The following RPL11 variants were observed in gnomAD, a reference collection of about 807,000 sequenced individuals.
The protein encoded by RPL11 is ribosomal protein L11.
Under a neutral mutation model 24.1 loss-of-function variants are expected in RPL11, and 3 were observed. The observed-to-expected ratio is 0.12, with a 90% CI of 0.06 to 0.32. RPL11 has a LOEUF of 0.32. RPL11 is among the 10% of genes least tolerant of loss of function. The probability of loss-of-function intolerance (pLI) is 1.00; values close to 1 mark genes in which losing one functional copy is unlikely to be tolerated. For synonymous variants in RPL11, 96 were observed against 75.7 expected (o/e 1.27, Z -1.39); for missense variants, 146 against 225.7 (o/e 0.65, Z 2.26).
chr1:23,692,883 A>G, intron 2 of RPL11, 124 bp downstream of exon 2: 2 of 1,160,620 alleles, frequency 1.7e-6, no homozygotes, highest in Non-Finnish European at 2.5e-6. Flanking sequence ...TAAATTCATG[A>G]GCCGGCCAAG....
At chr1:23,692,250 G>C (rs1017607263) in intron 1 of RPL11, 1 of 419,004 alleles carries the variant, frequency 2.4e-6, no homozygotes, top group African/African-American at 2.0e-5. Context: ...GCATAACCAC[G>C]TGTTTCCTGT....
Position 23,692,572 on chromosome 1 carries a change from C to T in RPL11, c.7-37C>T, listed in dbSNP as rs764888955. 3 of 1,613,772 alleles carry T rather than the reference C, an allele frequency of 1.9e-6. No homozygotes were observed. In the South Asian group the frequency reaches 3.3e-5, roughly 18 times the overall value. ...AAGTAGTAAAACTCAGGGCCCTCAG[C>T]TGTGAGTGTATTGACTGCTGCTCTT... is the stretch of plus-strand genomic sequence containing the variant. On this transcript the variant is annotated intron_variant, in intron 1 of 5. Transcript: ENST00000643754.
At position 23,695,830 on chromosome 1, in the gene RPL11, C is replaced by CCTT; in HGVS notation, c.429_430insCTT (p.Asp143_Lys144insLeu). The CCTT allele has an allele frequency of 6.3e-7, 1 of 1,599,992 alleles. No individual in the cohort carries two copies. Among genetic ancestry groups the CCTT allele is most frequent in the Non-Finnish European group, 8.5e-7 (1 of 1,173,738 alleles). ...GTAGGCCAGGTTTCAGCATCGCAGA[C>CCTT]AAGAAGCGCAGGACAGGCTGCATTG... On this transcript the variant is annotated inframe_insertion, in exon 5 of 6. Coordinates refer to ENST00000643754, the MANE Select transcript of RPL11 (RefSeq NM_000975.5).
rs1644533944 is a variant in RPL11 at position 23,696,563 on chromosome 1, A to C, written c.*190A>C. 1 of 657,408 alleles carries C rather than the reference A, an allele frequency of 1.5e-6. No individual in the cohort carries two copies. The highest frequency in any genetic ancestry group is 1.7e-5 in the South Asian group (1 of 57,324). The allele number at this position is 657,408 out of a possible 1,614,324, so 40.7% of individuals were successfully genotyped here. On this transcript the variant is annotated 3_prime_UTR_variant, in exon 6 of 6. Transcript: ENST00000643754. Reference sequence around the variant, plus strand: ...ATGCCAGTATTTCCTGGCAGATCCAAGTCCAAGCTTCATAGCATTCATTGC... The same window carrying C: ...ATGCCAGTATTTCCTGGCAGATCCACGTCCAAGCTTCATAGCATTCATTGC...
Position 23,693,808 on chromosome 1 carries a change from T to A in RPL11, c.159T>A (p.Ala53=). The A allele has an allele frequency of 6.2e-7, 1 of 1,613,492 alleles. No individual in the cohort carries two copies. Among genetic ancestry groups the A allele is most frequent in the East Asian group, 2.2e-5 (1 of 44,868 alleles). Residue 53 remains alanine, a splice_region_variant and synonymous_variant, in exon 3 of 6, where the codon GCT becomes GCA. Transcript: ENST00000643754. ...CTCCTTGTTACCCACTTCCTGCAGC[T>A]AGATACACTGTCAGATCCTTTGGCA... The part of the protein sequence containing the change: ...LTGQTPVFSK[A]RYTVRSFGIR...
rs539976734 is a variant in RPL11 at position 23,691,923 on chromosome 1, A to G, written c.6+94A>G. Reference sequence around the variant, plus strand: ...GGCTACTTCGCCCGCAGCCCGAGGAATATGGAGCCCGCAATGCCTGCTGGC... The same window carrying G: ...GGCTACTTCGCCCGCAGCCCGAGGAGTATGGAGCCCGCAATGCCTGCTGGC... On this transcript the variant is annotated intron_variant, in intron 1 of 5. Transcript: ENST00000643754. 1.9e-5 allele frequency: 29 copies of G among 1,546,142 alleles called. No homozygotes were observed. The African/African-American group carries it at 3.3e-4, about 17-fold the overall frequency.
rs150565485 is a variant in RPL11 at position 23,693,936 on chromosome 1, G to A, written c.264+23G>A. On this transcript the variant is annotated intron_variant, in intron 3 of 5. Transcript: ENST00000643754. ...AAGGTGAGCCTAATCCCCTAATGGA[G>A]TGATATTGATCAGCACTCCTTTAGT... 3.9e-6 allele frequency: 6 copies of A among 1,545,464 alleles called. No homozygotes were observed. In the African/African-American group the frequency reaches 6.8e-5, roughly 18 times the overall value.
At chr1:23,694,917 C>A in intron 4 of RPL11, 126 bp downstream of exon 4, 1 of 1,462,676 alleles carries the variant, frequency 6.8e-7, no homozygotes, top group Non-Finnish European at 9.5e-7. Context: ...TTGTGTTCTC[C>A]TCCCCCTTGG....
chr1:23,692,530 A>G lies in RPL11; in HGVS notation c.7-79A>G, dbSNP rs1015214724. 3.0e-5 allele frequency: 47 copies of G among 1,574,000 alleles called. 2 individuals carry two copies. Among genetic ancestry groups the G allele is most frequent in the Middle Eastern group, 3.3e-4 (2 of 5,980 alleles). On this transcript the variant is annotated intron_variant, in intron 1 of 5. Transcript: ENST00000643754. ...ACGATTTGGGATGAGCAGAAATAAAAATGCTGTGCAGATAGAAAGTAGTAA... is the reference window on the plus strand; with the variant it reads ...ACGATTTGGGATGAGCAGAAATAAAGATGCTGTGCAGATAGAAAGTAGTAA...
chr1:23,693,883 G>C lies in RPL11; in HGVS notation c.234G>C (p.Lys78Asn). Residue 78 changes from lysine to asparagine, a missense_variant, in exon 3 of 6, where the codon AAG (lysine) becomes AAC (asparagine). Physicochemically the swap from Lys to Asn is moderately conservative, Grantham distance 94. Transcript: ENST00000643754. ...IAVHCTVRGA[K>N]AEEILEKGLK... ...TCCACTGCACAGTTCGAGGGGCCAAGGCAGAAGAAATCTTGGAGAAGGGTC... is the reference window on the plus strand; with the variant it reads ...TCCACTGCACAGTTCGAGGGGCCAACGCAGAAGAAATCTTGGAGAAGGGTC... 1 of 1,614,176 alleles carries C rather than the reference G, an allele frequency of 6.2e-7. No individual in the cohort carries two copies. Among genetic ancestry groups the C allele is most frequent in the Non-Finnish European group, 8.5e-7 (1 of 1,180,014 alleles).
Position 23,696,749 on chromosome 1 carries a change from T to G in RPL11, c.*376T>G. ...CCTGCTATTCAGTGATTCTGTTCTGTACTAGAAATTTTATCAGCATTGATG... is the reference window on the plus strand; with the variant it reads ...CCTGCTATTCAGTGATTCTGTTCTGGACTAGAAATTTTATCAGCATTGATG... On this transcript the variant is annotated 3_prime_UTR_variant, in exon 6 of 6. Coordinates refer to ENST00000643754, the MANE Select transcript of RPL11 (RefSeq NM_000975.5). The G allele has an allele frequency of 3.0e-6, 1 of 338,902 alleles. No homozygotes were observed. The allele number at this position is 338,902 out of a possible 1,614,324, so 21.0% of individuals were successfully genotyped here.
intron 4 of RPL11, chr1:23,695,063 TC>T: frequency 2.1e-6 from 1 of 484,182 alleles, no homozygotes; most frequent in Non-Finnish European, 3.8e-6. Context: ...AGGAAACTGT[TC>T]CCTCCAGCCA....
chr1:23,694,601 TGGG>T lies in RPL11; in HGVS notation c.265-56_265-54del. On this transcript the variant is annotated intron_variant, in intron 3 of 5. Transcript: ENST00000643754. ...GCAGGCTGAGCTATTAATAGTTACT[TGGG>T]GGTGGGAGGGAGTTGAAGATGACAA... 1.9e-6 allele frequency: 3 copies of T among 1,610,362 alleles called. No homozygotes were observed. The East Asian group carries it at 6.7e-5, about 36-fold the overall frequency.
Position 23,692,607 on chromosome 1 carries a change from A to G in RPL11, c.7-2A>G. 1.2e-6 allele frequency: 2 copies of G among 1,614,050 alleles called. No homozygotes were observed. The highest frequency in any genetic ancestry group is 1.6e-4 in the Middle Eastern group (1 of 6,062). On this transcript the variant is annotated splice_acceptor_variant, in intron 1 of 5. Coordinates refer to ENST00000643754, the MANE Select transcript of RPL11 (RefSeq NM_000975.5). LOFTEE classifies it high-confidence loss of function. The stretch of plus-strand genomic sequence containing the variant: ...ATTGACTGCTGCTCTTCCCTGTTGC[A>G]GCAGGATCAAGGTGAAAAGGAGAAC...
intron 1 of RPL11, 42 bp downstream of exon 1, chr1:23,691,871 C>T: frequency 6.2e-7 from 1 of 1,614,072 alleles, no homozygotes; most frequent in Non-Finnish European, 8.5e-7. Context: ...TTATCCGTCG[C>T]CATCCATGGC....
chr1:23,695,105 T>TA (rs1357464894), intron 4 of RPL11: 1 of 413,342 alleles, frequency 2.4e-6, no homozygotes, highest in Non-Finnish European at 4.5e-6. Flanking sequence ...GAGGCAGTAT[T>TA]GGTGCCACAT....
At position 23,696,388 on chromosome 1, in the gene RPL11, C is replaced by T. The variant is rs1644532896; in HGVS notation, c.*15C>T. The stretch of plus-strand genomic sequence containing the variant: ...CTGGCAAATAAATTCCCGTTTCTAT[C>T]CAAAAGAGCAATAAAAAGTTTTCAG... On this transcript the variant is annotated 3_prime_UTR_variant, in exon 6 of 6. Coordinates refer to ENST00000643754, the MANE Select transcript of RPL11 (RefSeq NM_000975.5). 6.2e-7 allele frequency: 1 copy of T among 1,612,198 alleles called. No individual in the cohort carries two copies. Among genetic ancestry groups the T allele is most frequent in the Admixed American group, 1.7e-5 (1 of 60,008 alleles).
In RPL11 at chr1:23,693,803, G is replaced by A. The variant is rs878890307; in HGVS notation, c.158-4G>A. On this transcript the variant is annotated splice_region_variant and splice_polypyrimidine_tract_variant and intron_variant, in intron 2 of 5. Coordinates refer to ENST00000643754, the MANE Select transcript of RPL11 (RefSeq NM_000975.5). ...TCTGACTCCTTGTTACCCACTTCCT[G>A]CAGCTAGATACACTGTCAGATCCTT... 3 of 1,612,654 alleles carry A rather than the reference G, an allele frequency of 1.9e-6. No individual in the cohort carries two copies.
At chr1:23,696,255 A>T (rs1644532216) in intron 5 of RPL11, 89 bp from the exon 6 acceptor site, 1 of 1,231,310 alleles carries the variant, frequency 8.1e-7, no homozygotes, top group Admixed American at 1.8e-5. Context: ...TTCATGTATC[A>T]ATCAGATGTG....
Sources: gnomAD v4.1 joint callset for allele counts on GRCh38, gnomAD v4.1.1 for gene constraint, MANE v1.5 for transcripts, NCBI Gene and HGNC (gene_info 2026-07-23, HGNC 2026-07-21) for gene names.